Variants in TBC1D22A observed in about 807,000 individuals in gnomAD.
TBC1D22A encodes TBC1 domain family member 22A.
Under a neutral mutation model 60.2 loss-of-function variants are expected in TBC1D22A, and 38 were observed. The observed-to-expected ratio is 0.63, with a 90% CI of 0.49 to 0.83. The LOEUF is 0.83. TBC1D22A is among the 40% of genes least tolerant of loss of function. The pLI, the probability that TBC1D22A is intolerant of heterozygous loss-of-function variation, is 0.00. For missense variants in TBC1D22A, 628 were observed against 701.0 expected (o/e 0.90, Z 1.18); for synonymous variants, 302 against 281.7 (o/e 1.07, Z -0.72).
chr22:46,954,626 T>C (rs2073095103), intron 8 of TBC1D22A, among the ~76,000 whole-genome samples: 1 of 151,786 alleles, frequency 6.6e-6, no homozygotes, highest in African/African-American at 2.4e-5. Flanking sequence ...CCGAGCTGAG[T>C]GATGTGGAGG....
intron 4 of TBC1D22A, among the ~76,000 whole-genome samples, chr22:46,861,109 C>T (rs2087857224): frequency 6.6e-6 from 1 of 152,134 alleles, no homozygotes; most frequent in African/African-American, 2.4e-5. Flanking sequence ...GTGTGCACCA[C>T]TATGCCTGGG....
intron 11 of TBC1D22A, among the ~76,000 whole-genome samples, chr22:47,094,814 C>G (rs1195324094): frequency 6.6e-6 from 1 of 152,082 alleles, no homozygotes; most frequent in Non-Finnish European, 1.5e-5. Context: ...ATTCCCTTCC[C>G]CTGATCAGCC....
intron 12 of TBC1D22A, among the ~76,000 whole-genome samples, chr22:47,121,775 A>G (rs1248457834): frequency 6.6e-6 from 1 of 151,676 alleles, no homozygotes; most frequent in Non-Finnish European, 1.5e-5. Context: ...TTTTCTCACT[A>G]GGGTTAATTC....
chr22:46,957,587 ATG>A (rs2073270852), intron 8 of TBC1D22A, among the ~76,000 whole-genome samples: 1 of 152,208 alleles, frequency 6.6e-6, no homozygotes, highest in Non-Finnish European at 1.5e-5. Flanking sequence ...ACAATTGGAG[ATG>A]AGACTTGGGT....
At chr22:47,076,053 T>A (rs2064192450) in intron 11 of TBC1D22A, among the ~76,000 whole-genome samples, 1 of 152,136 alleles carries the variant, frequency 6.6e-6, no homozygotes, top group African/African-American at 2.4e-5. Context: ...TAGGTAAATG[T>A]TGCCAGAATT....
At chr22:46,781,485 G>C (rs1016225146) in intron 1 of TBC1D22A, among the ~76,000 whole-genome samples, 1 of 152,166 alleles carries the variant, frequency 6.6e-6, no homozygotes, top group Non-Finnish European at 1.5e-5. Flanking sequence ...CCCAGTTCTC[G>C]TGTTAGACCT....
At chr22:46,904,470 A>G (rs2069297058) in intron 7 of TBC1D22A, among the ~76,000 whole-genome samples, 1 of 130,796 alleles carries the variant, frequency 7.6e-6, no homozygotes, top group Non-Finnish European at 1.5e-5. Context: ...AGGATGAAAA[A>G]CGAATTTTTT....
chr22:47,168,142 G>C (rs2068276477), intron 12 of TBC1D22A, among the ~76,000 whole-genome samples: 1 of 152,232 alleles, frequency 6.6e-6, no homozygotes, highest in Non-Finnish European at 1.5e-5. Flanking sequence ...GCCCAGCAAA[G>C]TGCTGTGGGC....
chr22:47,152,431 C>T lies in TBC1D22A; in HGVS notation c.1426-21067C>T, dbSNP rs372959641. Among the ~76,000 whole-genome samples the T allele has an allele frequency of 5.8e-3, 882 of 152,236 alleles. 6 individuals carry two copies. The highest frequency in any genetic ancestry group is 0.02 in the African/African-American group (827 of 41,546). ...GGGTTCCTCCTCTGCTTGTGGCTGG[C>T]GGGCGTCGGTGGCTGGTCATGGCAT... On this transcript the variant is annotated intron_variant, in intron 12 of 12. Coordinates refer to ENST00000337137, the MANE Select transcript of TBC1D22A (RefSeq NM_014346.5).
intron 8 of TBC1D22A, among the ~76,000 whole-genome samples, chr22:46,949,819 C>T (rs4433): frequency 0.19 from 28,711 of 152,096 alleles, 2,988 homozygotes; most frequent in East Asian, 0.24. Flanking sequence ...TCAGCAGTGA[C>T]GGGAGTGGTG....
intron 11 of TBC1D22A, among the ~76,000 whole-genome samples, chr22:47,056,965 C>T (rs746378291): frequency 1.1e-4 from 16 of 152,142 alleles, no homozygotes; most frequent in Non-Finnish European, 1.3e-4. Context: ...GTCCAGCAGC[C>T]GCCTCCTACA....
At chr22:46,974,148 C>T in intron 8 of TBC1D22A, 142 bp from the exon 9 acceptor site, 1 of 647,966 alleles carries the variant, frequency 1.5e-6, no homozygotes, top group Non-Finnish European at 2.8e-6. Context: ...TGGAAGGCTG[C>T]ATGAGTCATT....
intron 10 of TBC1D22A, among the ~76,000 whole-genome samples, chr22:47,021,383 C>T (rs890974989): frequency 3.3e-5 from 5 of 149,544 alleles, no homozygotes; most frequent in Admixed American, 1.3e-4. Flanking sequence ...GAGCCCTGAG[C>T]AGGGAACCTA....
At chr22:46,979,672 G>A (rs749183438) in intron 9 of TBC1D22A, among the ~76,000 whole-genome samples, 3 of 152,204 alleles carry the variant, frequency 2.0e-5, no homozygotes, top group Non-Finnish European at 4.4e-5. Context: ...CACACCATGA[G>A]CGTGTGGTAT....
chr22:46,824,211 G>C (rs1237368746), intron 4 of TBC1D22A, among the ~76,000 whole-genome samples: 1 of 152,046 alleles, frequency 6.6e-6, no homozygotes, highest in Non-Finnish European at 1.5e-5. Context: ...CCACTTTTTG[G>C]GTGTCCTGTA....
chr22:46,940,220 T>C (rs553006965), intron 8 of TBC1D22A, among the ~76,000 whole-genome samples: 110 of 152,338 alleles, frequency 7.2e-4, no homozygotes, highest in African/African-American at 2.6e-3. Flanking sequence ...TACATGCTGT[T>C]GGGAAAATGG....
At chr22:47,131,346 CCAGAAATG>C (rs2066671745) in intron 12 of TBC1D22A, among the ~76,000 whole-genome samples, 1 of 152,218 alleles carries the variant, frequency 6.6e-6, no homozygotes, top group African/African-American at 2.4e-5. Context: ...CCGGGTTCTT[CCAGAAATG>C]CAGAAATGGT....
Position 46,911,961 on chromosome 22 carries a change from A to G in TBC1D22A, c.901-113A>G, listed in dbSNP as rs918614272. ...GATATTTGTTTATATTTGTATCTTA[A>G]TATTAGGAGCAATGAGAAAATACAG... is the stretch of plus-strand genomic sequence containing the variant. On this transcript the variant is annotated intron_variant, in intron 7 of 12. Coordinates refer to ENST00000337137, the MANE Select transcript of TBC1D22A (RefSeq NM_014346.5). The G allele has an allele frequency of 7.2e-6, 5 of 692,634 alleles. No homozygotes were observed. The African/African-American group carries it at 7.3e-5, about 10-fold the overall frequency. 42.9% of individuals were successfully genotyped at this position (692,634 alleles called of 1,614,324 possible).
intron 1 of TBC1D22A, among the ~76,000 whole-genome samples, chr22:46,778,402 T>C (rs2083792411): frequency 6.6e-6 from 1 of 152,242 alleles, no homozygotes; most frequent in Admixed American, 6.5e-5. Context: ...TGCACCAAGA[T>C]ATTTTTCTTT....
Sources: gnomAD v4.1 joint callset for allele counts (sites outside exome capture counted in the v4.1 genomes callset) on GRCh38, gnomAD v4.1.1 for gene constraint, MANE v1.5 for transcripts, NCBI Gene and HGNC (gene_info 2026-07-23, HGNC 2026-07-21) for gene names.